ZNF469: variants seen among roughly 807,000 people sequenced by gnomAD.
ZNF469 encodes the protein zinc finger protein 469.
ZNF469 carries 1 observed loss-of-function variant against 1.0 expected under a neutral mutation model. The ratio of observed to expected loss-of-function variants is 1.00; its 90% confidence interval spans 0.35 to 4.73. The LOEUF is 4.73. ZNF469 is among the 30% of genes most tolerant of loss of function. The probability of loss-of-function intolerance (pLI) is 0.16; values close to 1 mark genes in which losing one functional copy is unlikely to be tolerated. For missense variants in ZNF469, 6,100 were observed against 5,356.3 expected (o/e 1.14, Z -4.33); for synonymous variants, 2,703 against 2,363.4 (o/e 1.14, Z -4.17).
the ZNF469 span, among the ~76,000 whole-genome samples, chr16:88,121,391 C>G: frequency 6.6e-6 from 1 of 152,192 alleles, no homozygotes; most frequent in Non-Finnish European, 1.5e-5. Flanking sequence ...GCCGCTGTCG[C>G]CAGCGCTGTG....
At chr16:88,406,692 T>C (rs930157209) in intron 1 of ZNF469, among the ~76,000 whole-genome samples, 1 of 152,226 alleles carries the variant, frequency 6.6e-6, no homozygotes, top group Non-Finnish European at 1.5e-5. Context: ...TGTGCATGTC[T>C]GCGGCCCCTG....
chr16:88,380,385 TCA>T (rs200965111), upstream of ZNF469, among the ~76,000 whole-genome samples: 2,881 of 103,622 alleles, frequency 0.028, 132 homozygotes, highest in Non-Finnish European at 0.034. Flanking sequence ...TCACACGCAC[TCA>T]CAGACACGCC....
At chr16:88,379,013 A>G (rs2092515116), upstream of ZNF469, among the ~76,000 whole-genome samples, 1 of 152,244 alleles carries the variant, frequency 6.6e-6, no homozygotes, top group South Asian at 2.1e-4. Context: ...CCAGGCCATC[A>G]GCGCTGACCT....
the ZNF469 span, among the ~76,000 whole-genome samples, chr16:88,108,359 G>T: frequency 8.5e-5 from 13 of 152,174 alleles, no homozygotes; most frequent in Admixed American, 7.9e-4. Context: ...TCTGGGTCTG[G>T]CTGCTGGTGC....
chr16:88,370,127 A>C, the ZNF469 span, among the ~76,000 whole-genome samples: 2 of 152,206 alleles, frequency 1.3e-5, no homozygotes, highest in Admixed American at 6.5e-5. Context: ...CACTGTTCCC[A>C]GGAGCATCAG....
At chr16:88,141,045 G>A in the ZNF469 span, among the ~76,000 whole-genome samples, 1 of 152,188 alleles carries the variant, frequency 6.6e-6, no homozygotes, top group African/African-American at 2.4e-5. Flanking sequence ...GAATCATTCA[G>A]AGGCATCGTT....
At chr16:88,350,076 G>A in the ZNF469 span, among the ~76,000 whole-genome samples, 19 of 152,224 alleles carry the variant, frequency 1.2e-4, no homozygotes, top group African/African-American at 3.9e-4. Flanking sequence ...GGCCCAGCCC[G>A]GCAGGCACGA....
At chr16:88,344,456 T>C in the ZNF469 span, among the ~76,000 whole-genome samples, 1 of 152,016 alleles carries the variant, frequency 6.6e-6, no homozygotes, top group African/African-American at 2.4e-5. Context: ...TAAGAGTTTA[T>C]TGAAGAGCCA....
chr16:88,120,106 T>A, the ZNF469 span, among the ~76,000 whole-genome samples: 1 of 152,058 alleles, frequency 6.6e-6, no homozygotes. Flanking sequence ...CCAGGGTGGG[T>A]GGACGTGTCC....
the ZNF469 span, among the ~76,000 whole-genome samples, chr16:88,367,227 C>T: frequency 6.6e-6 from 1 of 152,242 alleles, no homozygotes; most frequent in African/African-American, 2.4e-5. Context: ...ACAATAGCAA[C>T]AGCATATATT....
upstream of ZNF469, among the ~76,000 whole-genome samples, chr16:88,381,727 C>T (rs2092525863): frequency 6.6e-6 from 1 of 152,268 alleles, no homozygotes; most frequent in Non-Finnish European, 1.5e-5. Context: ...TTTTTCAATT[C>T]ACGTTTTCGC....
the ZNF469 span, among the ~76,000 whole-genome samples, chr16:88,131,461 CGGCTTTCCCTTCCCGTGGCCTGTTGTT>C: frequency 8.8e-6 from 1 of 114,188 alleles, no homozygotes; most frequent in Admixed American, 9.0e-5. Context: ...TAGAACCTCT[CGGCTTTCCCTTCCCGTGGCCTGTTGTT>C]AGAACCTCTC....
chr16:88,185,056 C>G, the ZNF469 span, among the ~76,000 whole-genome samples: 1 of 149,820 alleles, frequency 6.7e-6, no homozygotes, highest in African/African-American at 2.5e-5. Flanking sequence ...CAGACACCCA[C>G]GCACAGACAC....
At chr16:88,206,103 C>A in the ZNF469 span, among the ~76,000 whole-genome samples, 1 of 152,190 alleles carries the variant, frequency 6.6e-6, no homozygotes, top group East Asian at 1.9e-4. Flanking sequence ...CCGTGTTTTC[C>A]ATGATCTCTC....
At chr16:88,277,476 G>A in the ZNF469 span, among the ~76,000 whole-genome samples, 2 of 146,244 alleles carry the variant, frequency 1.4e-5, no homozygotes, top group South Asian at 2.2e-4. Context: ...GATATCATTA[G>A]TGCTGTGCCA....
At chr16:88,229,594 GGATGTCACGCGTGTGTGCT>G in the ZNF469 span, among the ~76,000 whole-genome samples, 1 of 108,130 alleles carries the variant, frequency 9.2e-6, no homozygotes, top group South Asian at 3.8e-4. Context: ...TCACGCGTGT[GGATGTCACGCGTGTGTGCT>G]GATGTCACGC....
the ZNF469 span, among the ~76,000 whole-genome samples, chr16:88,249,530 T>G: frequency 2.1e-5 from 3 of 143,220 alleles, no homozygotes; most frequent in Non-Finnish European, 4.5e-5. Flanking sequence ...TCCACCTCCC[T>G]GGTTCACACC....
intron 1 of ZNF469, among the ~76,000 whole-genome samples, chr16:88,416,691 C>CTT (rs1692287542): frequency 6.6e-6 from 1 of 152,234 alleles, no homozygotes; most frequent in Admixed American, 6.5e-5. Flanking sequence ...AACAAGCAGT[C>CTT]ACGTGGTGAT....
At chr16:88,423,104 ATGGG>A (rs1360058695) in intron 1 of ZNF469, among the ~76,000 whole-genome samples, 21 of 138,048 alleles carry the variant, frequency 1.5e-4, no homozygotes, top group African/African-American at 5.7e-4. Flanking sequence ...TGATGGATGG[ATGGG>A]TGGATGGATG....
Sources: gnomAD v4.1 joint callset for allele counts (sites outside exome capture counted in the v4.1 genomes callset) on GRCh38, gnomAD v4.1.1 for gene constraint, MANE v1.5 for transcripts, NCBI Gene and HGNC (gene_info 2026-07-23, HGNC 2026-07-21) for gene names.